The following CSMD1 variants were observed in gnomAD, a reference collection of about 807,000 sequenced individuals.
The protein encoded by CSMD1 is CUB and sushi domain-containing protein 1.
In CSMD1, 213 loss-of-function variants were observed where a neutral mutation model predicts 417.5. The observed-to-expected ratio is 0.51, with a 90% CI of 0.46 to 0.57. The LOEUF (loss-of-function observed/expected upper bound fraction) is 0.57. Among genes scored for constraint, CSMD1 ranks in the 20% least tolerant of loss-of-function variants. The probability of loss-of-function intolerance (pLI) is 0.00; values close to 1 mark genes in which losing one functional copy is unlikely to be tolerated. For missense variants in CSMD1, 6,923 were observed against 4,529.7 expected (o/e 1.53, Z -15.17); for synonymous variants, 2,862 against 1,736.8 (o/e 1.65, Z -16.11).
At chr8:4,162,423 A>G (rs1233108193) in intron 3 of CSMD1, among the ~76,000 whole-genome samples, 1 of 152,186 alleles carries the variant, frequency 6.6e-6, no homozygotes, top group Non-Finnish European at 1.5e-5. Context: ...AGTGTAACTG[A>G]TAAAATAATA....
At chr8:4,604,410 T>TGTGTGCGC (rs59349269) in intron 2 of CSMD1, among the ~76,000 whole-genome samples, 25,070 of 145,958 alleles carry the variant, frequency 0.17, 2,649 homozygotes, top group Non-Finnish European at 0.22. Flanking sequence ...TGTGTGTGTG[T>TGTGTGCGC]GCGCGTGCGT....
chr8:4,186,641 T>G (rs1798694354), intron 3 of CSMD1, among the ~76,000 whole-genome samples: 1 of 152,132 alleles, frequency 6.6e-6, no homozygotes, highest in Non-Finnish European at 1.5e-5. Flanking sequence ...GCTATTATTT[T>G]TAGATGCCTC....
intron 3 of CSMD1, among the ~76,000 whole-genome samples, chr8:4,222,655 G>A (rs1417099091): frequency 2.0e-5 from 3 of 152,174 alleles, no homozygotes; most frequent in Admixed American, 2.0e-4. Context: ...CAATGTGACG[G>A]CAGATGCCAA....
At chr8:3,510,678 A>ATAAAAAATTCC (rs11267262) in intron 10 of CSMD1, among the ~76,000 whole-genome samples, 137,827 of 151,486 alleles carry the variant, frequency 0.91, 62,918 homozygotes, top group African/African-American at 0.97. Flanking sequence ...TAGAGGCAGG[A>ATAAAAAATTCC]TTACTTTTTA....
intron 1 of CSMD1, among the ~76,000 whole-genome samples, chr8:4,799,218 G>T (rs1024727131): frequency 3.9e-5 from 6 of 152,160 alleles, no homozygotes; most frequent in Non-Finnish European, 7.3e-5. Context: ...TTTGAAAACT[G>T]TAAGAGTGAA....
intron 5 of CSMD1, among the ~76,000 whole-genome samples, chr8:3,788,441 T>G (rs1468881990): frequency 1.3e-5 from 2 of 152,252 alleles, no homozygotes; most frequent in African/African-American, 4.8e-5. Flanking sequence ...AAGAACCAGC[T>G]GAGATAAGAG....
In CSMD1 at chr8:4,631,084, C is replaced by T. The variant is rs778920042; in HGVS notation, c.302+6258G>A. Among the ~76,000 whole-genome samples, 29 of 152,254 alleles carry T rather than the reference C, an allele frequency of 1.9e-4. 1 individual carries two copies. In the Middle Eastern group the frequency reaches 0.01, roughly 54 times the overall value. ...GCCAAGCTAAAAATAAAATGAAGGC[C>T]AGGTGCGGTGGCTCACACCTGTAAT... On this transcript the variant is annotated intron_variant, in intron 2 of 69. Transcript: ENST00000635120.
At chr8:3,806,086 G>A (rs1022048866) in intron 5 of CSMD1, among the ~76,000 whole-genome samples, 1 of 152,130 alleles carries the variant, frequency 6.6e-6, no homozygotes, top group Non-Finnish European at 1.5e-5. Flanking sequence ...TGTTGGTTTA[G>A]TGGTCTCCAA....
At chr8:4,032,778 T>C (rs1797414770) in intron 3 of CSMD1, among the ~76,000 whole-genome samples, 1 of 152,196 alleles carries the variant, frequency 6.6e-6, no homozygotes, top group Admixed American at 6.5e-5. Context: ...TTCACTTTCA[T>C]TTTGTAAAAA....
At chr8:4,009,130 C>T (rs891095012) in intron 4 of CSMD1, among the ~76,000 whole-genome samples, 4 of 152,212 alleles carry the variant, frequency 2.6e-5, no homozygotes, top group Admixed American at 2.0e-4. Context: ...CTGACTTAAT[C>T]CAAGAAGAAC....
At chr8:3,938,753 C>G (rs1262737181) in intron 5 of CSMD1, among the ~76,000 whole-genome samples, 1 of 152,164 alleles carries the variant, frequency 6.6e-6, no homozygotes, top group Non-Finnish European at 1.5e-5. Context: ...CAATCTATGT[C>G]AAGTGCCTTT....
intron 3 of CSMD1, among the ~76,000 whole-genome samples, chr8:4,291,514 T>G (rs1797363037): frequency 6.6e-6 from 1 of 152,188 alleles, no homozygotes; most frequent in Admixed American, 6.5e-5. Flanking sequence ...TCACTTGTTT[T>G]CGGAAAGTAC....
Position 3,471,376 on chromosome 8 carries a change from G to T in CSMD1, c.1449-2552C>A, listed in dbSNP as rs542552340. On this transcript the variant is annotated intron_variant, in intron 11 of 69. Transcript: ENST00000635120. ...GTCCTTGTCAGAAATTAGCAGTTTT[G>T]ATTTAAATATAGTCAATTTTGGTTC... Among the ~76,000 whole-genome samples, 135 of 152,168 alleles carry T rather than the reference G, an allele frequency of 8.9e-4. 1 individual carries two copies. The highest frequency in any genetic ancestry group is 3.2e-3 in the African/African-American group (131 of 41,524).
At position 3,930,334 on chromosome 8, in the gene CSMD1, G is replaced by A. The variant is rs891111511; in HGVS notation, c.818+67569C>T. On this transcript the variant is annotated intron_variant, in intron 5 of 69. Coordinates refer to ENST00000635120, the MANE Select transcript of CSMD1 (RefSeq NM_033225.6). ...CCTGTGCTAACACTCTTAAATATCT[G>A]CCAGCCATAATAAAGAAATCAATGT... is the stretch of plus-strand genomic sequence containing the variant. Among the ~76,000 whole-genome samples, 11 of 150,462 alleles carry A rather than the reference G, an allele frequency of 7.3e-5. 1 individual carries two copies. Among genetic ancestry groups the A allele is most frequent in the Admixed American group, 6.6e-4 (10 of 15,130 alleles).
chr8:4,050,159 C>T (rs949190951), intron 3 of CSMD1, among the ~76,000 whole-genome samples: 1 of 152,118 alleles, frequency 6.6e-6, no homozygotes, highest in East Asian at 1.9e-4. Flanking sequence ...CAGGGACACG[C>T]ATCATCAGTG....
intron 5 of CSMD1, among the ~76,000 whole-genome samples, chr8:3,826,395 C>A (rs145453967): frequency 1.3e-5 from 2 of 152,156 alleles, no homozygotes; most frequent in Admixed American, 6.5e-5. Context: ...CCCAAGACAA[C>A]TGATCATGAG....
chr8:3,593,231 C>T (rs1054448858), intron 8 of CSMD1, among the ~76,000 whole-genome samples: 3 of 152,206 alleles, frequency 2.0e-5, no homozygotes, highest in Non-Finnish European at 4.4e-5. Flanking sequence ...GGTGAGGAGA[C>T]AGAACAAGAC....
chr8:4,592,046 T>G (rs190048229), intron 2 of CSMD1, among the ~76,000 whole-genome samples: 1 of 152,052 alleles, frequency 6.6e-6, no homozygotes, highest in South Asian at 2.1e-4. Context: ...TTATGGACCA[T>G]TGCATCTGAG....
intron 3 of CSMD1, among the ~76,000 whole-genome samples, chr8:4,210,880 C>T (rs1030603611): frequency 1.3e-5 from 2 of 151,960 alleles, no homozygotes; most frequent in African/African-American, 4.8e-5. Flanking sequence ...CTTCTTGGTC[C>T]CTCAGACCAT....
Sources: allele counts gnomAD v4.1 joint callset (sites outside exome capture counted in the v4.1 genomes callset), GRCh38; gene constraint gnomAD v4.1.1; transcripts MANE v1.5; gene names NCBI Gene and HGNC (gene_info 2026-07-23, HGNC 2026-07-21).